NMRK1: variants seen among roughly 807,000 people sequenced by gnomAD.
NMRK1 encodes the protein nicotinamide riboside kinase 1.
In NMRK1, 28 loss-of-function variants were observed where a neutral mutation model predicts 29.9. The ratio of observed to expected loss-of-function variants is 0.94; its 90% CI spans 0.69 to 1.28. The LOEUF (loss-of-function observed/expected upper bound fraction) is 1.28. Among genes scored for constraint, NMRK1 ranks in the 50% most tolerant of loss-of-function variants. The probability of loss-of-function intolerance (pLI) is 0.00; values close to 1 mark genes in which losing one functional copy is unlikely to be tolerated. For synonymous variants in NMRK1, 58 were observed against 73.0 expected (o/e 0.79, Z 1.05); for missense variants, 218 against 233.1 (o/e 0.94, Z 0.42).
At chr9:75,082,982 A>G in intron 2 of NMRK1, 105 bp downstream of exon 2, 1 of 828,836 alleles carries the variant, frequency 1.2e-6, no homozygotes, top group Non-Finnish European at 2.1e-6. Flanking sequence ...CTTCCCCAGG[A>G]CTCTGGAATC....
At chr9:75,071,019 G>T (rs1823667008) in intron 4 of NMRK1, among the ~76,000 whole-genome samples, 1 of 151,344 alleles carries the variant, frequency 6.6e-6, no homozygotes, top group East Asian at 1.9e-4. Context: ...TCTGGGGATT[G>T]CTCAGATTCT....
intron 7 of NMRK1, 88 bp from the exon 8 acceptor site, chr9:75,066,928 G>T: frequency 1.3e-6 from 1 of 752,372 alleles, no homozygotes; most frequent in Non-Finnish European, 2.3e-6. Flanking sequence ...TCTTGTAAAT[G>T]CCAATAGGTT....
chr9:75,061,675 T>C, intron 8 of NMRK1, 108 bp from the exon 9 acceptor site: 1 of 909,382 alleles, frequency 1.1e-6, no homozygotes, highest in African/African-American at 1.7e-5. Context: ...AGAGGGATTC[T>C]GGAGCCAAAA....
intron 4 of NMRK1, 28 bp downstream of exon 4, chr9:75,077,131 A>T: frequency 1.5e-6 from 2 of 1,344,352 alleles, no homozygotes; most frequent in African/African-American, 1.4e-5. Flanking sequence ...ACATAAGCAT[A>T]TAATATTTGA....
chr9:75,074,527 C>T (rs867794964), intron 4 of NMRK1, among the ~76,000 whole-genome samples: 1 of 152,044 alleles, frequency 6.6e-6, no homozygotes, highest in Non-Finnish European at 1.5e-5. Context: ...GCTGGGACCA[C>T]AGGTGCGCAC....
chr9:75,078,422 A>G, intron 2 of NMRK1: 1 of 1,547,816 alleles, frequency 6.5e-7, no homozygotes, highest in South Asian at 1.2e-5. Context: ...ACAACAGGCC[A>G]GTTATTTGTC....
intron 2 of NMRK1, among the ~76,000 whole-genome samples, chr9:75,077,926 G>T (rs1436504913): frequency 6.6e-6 from 1 of 152,038 alleles, no homozygotes. Context: ...ACCAGGCCTG[G>T]CCCAAAATTA....
At chr9:75,079,942 A>G (rs1338848933) in intron 2 of NMRK1, among the ~76,000 whole-genome samples, 1 of 152,166 alleles carries the variant, frequency 6.6e-6, no homozygotes, top group African/African-American at 2.4e-5. Flanking sequence ...GAGGAAGGAA[A>G]AAGGGTGACT....
intron 4 of NMRK1, among the ~76,000 whole-genome samples, chr9:75,073,945 T>C (rs1298940679): frequency 1.3e-5 from 2 of 152,234 alleles, no homozygotes; most frequent in Admixed American, 1.3e-4. Flanking sequence ...TTACTTCGTT[T>C]GGTATTAGTA....
chr9:75,071,095 T>C (rs1265773034), intron 4 of NMRK1, among the ~76,000 whole-genome samples: 1 of 152,132 alleles, frequency 6.6e-6, no homozygotes, highest in Non-Finnish European at 1.5e-5. Context: ...CTTTGAATAC[T>C]TTTTTAGTCC....
chr9:75,071,611 T>C (rs2118095494), intron 4 of NMRK1, among the ~76,000 whole-genome samples: 1 of 152,300 alleles, frequency 6.6e-6, no homozygotes, highest in Middle Eastern at 3.4e-3. Flanking sequence ...GTAGATCCTA[T>C]TTAATCTTCT....
intron 8 of NMRK1, among the ~76,000 whole-genome samples, chr9:75,066,053 G>A (rs2376395): frequency 0.14 from 20,962 of 152,186 alleles, 1,804 homozygotes; most frequent in Non-Finnish European, 0.19. Context: ...CCTTATTTGA[G>A]TTCCTTAACC....
Position 75,068,980 on chromosome 9 carries a change from G to T in NMRK1, c.496+16C>A. ...ACAAGTAAAAGGCCTTGAACAGAAG[G>T]AGAAAAGGCACTTACCAACTTCCCA... On this transcript the variant is annotated intron_variant, in intron 7 of 8. Transcript: ENST00000361092. 1 of 1,555,702 alleles carries T rather than the reference G, an allele frequency of 6.4e-7. No homozygotes were observed. The highest frequency in any genetic ancestry group is 8.9e-7 in the Non-Finnish European group (1 of 1,126,760).
chr9:75,087,302 T>C (rs1824717188), intron 1 of NMRK1, among the ~76,000 whole-genome samples: 1 of 152,190 alleles, frequency 6.6e-6, no homozygotes, highest in Non-Finnish European at 1.5e-5. Context: ...ATTTACAATA[T>C]TGACTGTTAT....
chr9:75,077,197 T>G lies in NMRK1; in HGVS notation c.131A>C (p.Glu44Ala). The change falls in exon 4 of 9, where the codon GAG becomes GCG. Residue 44 changes from glutamate (E) to alanine (A), a missense_variant. Transcript: ENST00000361092. The part of the protein sequence containing the change: ...SQDDFFKPES[E>A]IETDKNGFLQ... ...AAATCCATTTTTATCTGTCTCTATC[T>G]CAGACTCTGGCTGGAAAAATAATAA... The G allele has an allele frequency of 6.3e-7, 1 of 1,595,806 alleles. No homozygotes were observed. The highest frequency in any genetic ancestry group is 8.6e-7 in the Non-Finnish European group (1 of 1,166,412).
At chr9:75,083,669 G>A (rs1454382478) in intron 1 of NMRK1, among the ~76,000 whole-genome samples, 2 of 152,174 alleles carry the variant, frequency 1.3e-5, no homozygotes, top group African/African-American at 4.8e-5. Context: ...CTGGCCAGAG[G>A]CAAAATGAAG....
chr9:75,076,669 C>A (rs980711773), intron 4 of NMRK1, among the ~76,000 whole-genome samples: 3 of 152,156 alleles, frequency 2.0e-5, no homozygotes, highest in Non-Finnish European at 2.9e-5. Flanking sequence ...CGGTTCACTG[C>A]AGACTCAGTG....
At chr9:75,061,863 G>C (rs1823039950) in intron 8 of NMRK1, among the ~76,000 whole-genome samples, 1 of 152,132 alleles carries the variant, frequency 6.6e-6, no homozygotes, top group Admixed American at 6.6e-5. Context: ...AACCACAAAG[G>C]GTAGTTGTCT....
At position 75,068,980 on chromosome 9, in the gene NMRK1, G is replaced by C. The variant is rs758246605; in HGVS notation, c.496+16C>G. 2 of 1,555,702 alleles carry C rather than the reference G, an allele frequency of 1.3e-6. No individual in the cohort carries two copies. The highest frequency in any genetic ancestry group is 3.3e-5 in the Admixed American group (2 of 59,820). On this transcript the variant is annotated intron_variant, in intron 7 of 8. Coordinates refer to ENST00000361092, the MANE Select transcript of NMRK1 (RefSeq NM_017881.3). ...ACAAGTAAAAGGCCTTGAACAGAAG[G>C]AGAAAAGGCACTTACCAACTTCCCA...
Sources: gnomAD v4.1 joint callset for allele counts (sites outside exome capture counted in the v4.1 genomes callset) on GRCh38, gnomAD v4.1.1 for gene constraint, MANE v1.5 for transcripts, NCBI Gene and HGNC (gene_info 2026-07-23, HGNC 2026-07-21) for gene names.